The following HUNK variants were observed in gnomAD, a reference collection of about 807,000 sequenced individuals.
HUNK encodes the protein hormonally up-regulated neu tumor-associated kinase.
In HUNK, 21 loss-of-function variants were observed where a neutral mutation model predicts 61.0. That is an observed-to-expected ratio of 0.34 (90% CI 0.24 to 0.50). HUNK has a LOEUF of 0.50. HUNK is among the 20% of genes least tolerant of loss of function. The probability of loss-of-function intolerance (pLI) is 0.98; values close to 1 mark genes in which losing one functional copy is unlikely to be tolerated. For synonymous variants in HUNK, 371 were observed against 386.1 expected (o/e 0.96, Z 0.46); for missense variants, 772 against 945.7 (o/e 0.82, Z 2.41).
intron 8 of HUNK, among the ~76,000 whole-genome samples, chr21:31,986,510 G>A (rs1034438404): frequency 2.0e-5 from 3 of 151,850 alleles, no homozygotes; most frequent in Non-Finnish European, 2.9e-5. Flanking sequence ...TTTCACCCTC[G>A]CACCGCATCA....
chr21:31,901,865 AC>A (rs972433552), intron 1 of HUNK, among the ~76,000 whole-genome samples: 8 of 152,016 alleles, frequency 5.3e-5, no homozygotes, highest in African/African-American at 1.9e-4. Context: ...TGATCAAATA[AC>A]CCACTGGGTT....
Position 31,873,905 on chromosome 21 carries a change from C to G in HUNK, c.231C>G (p.Arg77=), listed in dbSNP as rs1384901208. The G allele has an allele frequency of 6.4e-7, 1 of 1,572,990 alleles. No homozygotes were observed. The highest frequency in any genetic ancestry group is 1.4e-5 in the African/African-American group (1 of 72,024). Residue 77 remains arginine (R), a synonymous_variant, in exon 1 of 11, where the codon CGC becomes CGG. Coordinates refer to ENST00000270112, the MANE Select transcript of HUNK (RefSeq NM_014586.2). This position sits in a 1 kb window ranked among gnomAD's most constrained non-coding sequence, Gnocchi z 6.1. ...KLGEGSFAKV[R]EGLHVLTGEK... The stretch of plus-strand genomic sequence containing the variant: ...GCGAGGGCTCCTTTGCCAAGGTGCG[C>G]GAGGGGCTGCACGTGCTGACCGGGG...
In HUNK at chr21:32,000,769, C is replaced by T. The variant is rs1035103234; in HGVS notation, c.*1585C>T. ...CAGTTCTGAATCATTCTCTCATTCA[C>T]CAGTGGTGACATCCTTCAGTCCCTC... On this transcript the variant is annotated 3_prime_UTR_variant, in exon 11 of 11. Transcript: ENST00000270112. 14 of 398,508 alleles carry T rather than the reference C, an allele frequency of 3.5e-5. No homozygotes were observed. The highest frequency in any genetic ancestry group is 2.9e-4 in the African/African-American group (14 of 48,624). 24.7% of individuals were successfully genotyped at this position (398,508 alleles called of 1,614,324 possible).
chr21:31,975,653 A>G (rs1307179784), intron 7 of HUNK, among the ~76,000 whole-genome samples: 1 of 131,880 alleles, frequency 7.6e-6, no homozygotes, highest in African/African-American at 3.0e-5. Context: ...GACATTTACC[A>G]TCCAGAACAT....
intron 6 of HUNK, 71 bp downstream of exon 6, chr21:31,968,456 G>C: frequency 1.3e-6 from 2 of 1,567,784 alleles, no homozygotes; most frequent in South Asian, 2.3e-5. Flanking sequence ...AGCAGTTCCG[G>C]ACAGAAAGCT....
At chr21:31,875,019 A>G (rs995327534) in intron 1 of HUNK, among the ~76,000 whole-genome samples, 1 of 152,154 alleles carries the variant, frequency 6.6e-6, no homozygotes, top group East Asian at 1.9e-4. Flanking sequence ...TCTCGGGCTC[A>G]AGACTGCCCC....
In HUNK at chr21:31,968,338, T is replaced by C; in HGVS notation, c.963T>C (p.Asn321=). The C allele has an allele frequency of 6.2e-7, 1 of 1,614,210 alleles. No homozygotes were observed. ...IQQALANRWL[N]ENYTGKVPCN... is the part of the protein sequence containing the mutation. The stretch of plus-strand genomic sequence containing the variant: ...AGGCACTGGCGAATCGCTGGCTTAA[T>C]GAGAATTACACGGGCAAAGTGCCCT... The change falls in exon 6 of 11, where the codon AAT becomes AAC. Residue 321 remains asparagine, a synonymous_variant. Coordinates refer to ENST00000270112, the MANE Select transcript of HUNK (RefSeq NM_014586.2).
chr21:31,955,079 G>T (rs939601663), intron 4 of HUNK, among the ~76,000 whole-genome samples: 1 of 151,990 alleles, frequency 6.6e-6, no homozygotes, highest in Non-Finnish European at 1.5e-5. Flanking sequence ...GAGCCATTGC[G>T]CCTGGCTGAA....
In HUNK at chr21:31,886,157, C is replaced by T. The variant is rs928938938; in HGVS notation, c.261+12222C>T. ...ATTCAGGGGGCTAGGCGCAGTGGCT[C>T]ACGCCTATAATCTTAGCTCTTTGGG... On this transcript the variant is annotated intron_variant, in intron 1 of 10. Transcript: ENST00000270112. 7.2e-5 allele frequency among the ~76,000 whole-genome samples: 11 copies of T among 152,266 alleles called. 1 individual carries two copies. The South Asian group carries it at 1.7e-3, about 23-fold the overall frequency.
chr21:31,986,818 TG>T (rs1055359773), intron 8 of HUNK, among the ~76,000 whole-genome samples: 3 of 152,142 alleles, frequency 2.0e-5, no homozygotes, highest in African/African-American at 7.2e-5. Context: ...CACCTCCCCA[TG>T]GGCACCTGCT....
intron 1 of HUNK, among the ~76,000 whole-genome samples, chr21:31,885,978 G>A (rs1429491706): frequency 3.9e-5 from 6 of 152,038 alleles, no homozygotes; most frequent in Non-Finnish European, 8.8e-5. Flanking sequence ...TGATCCACCC[G>A]TCTCAGCCTC....
intron 2 of HUNK, among the ~76,000 whole-genome samples, chr21:31,939,053 C>T (rs2052750959): frequency 1.3e-5 from 2 of 152,128 alleles, no homozygotes; most frequent in Admixed American, 6.5e-5. Context: ...AGCTTACAGT[C>T]GCAGGCGCAG....
At chr21:31,932,271 C>A (rs1398827710) in intron 2 of HUNK, among the ~76,000 whole-genome samples, 1 of 152,192 alleles carries the variant, frequency 6.6e-6, no homozygotes. Flanking sequence ...AGCTGCCTTT[C>A]TGCCCCCAGG....
chr21:31,873,662 C>A lies in HUNK; in HGVS notation c.-13C>A, dbSNP rs1217405626. On this transcript the variant is annotated 5_prime_UTR_variant, in exon 1 of 11. Transcript: ENST00000270112. The surrounding 1 kb of genome is among the most constrained non-coding windows in gnomAD (Gnocchi z 6.1). ...GGAGACGAGCAGGAGCCGCGCGGGC[C>A]GCGGCGAGCGCGATGCCGGCGGCGG... 1 of 835,188 alleles carries A rather than the reference C, an allele frequency of 1.2e-6. No homozygotes were observed. The highest frequency in any genetic ancestry group is 1.3e-6 in the Non-Finnish European group (1 of 761,586). 51.7% of individuals were successfully genotyped at this position (835,188 alleles called of 1,614,324 possible).
chr21:31,999,190 GC>G lies in HUNK; in HGVS notation c.*8del, dbSNP rs1445458944. 6.3e-7 allele frequency: 1 copy of G among 1,588,752 alleles called. No homozygotes were observed. The highest frequency in any genetic ancestry group is 1.1e-5 in the South Asian group (1 of 87,832). On this transcript the variant is annotated 3_prime_UTR_variant, in exon 11 of 11. Transcript: ENST00000270112. The stretch of plus-strand genomic sequence containing the variant: ...GGGTCAAGACCCAGTGCTAACTTGG[GC>G]CAGCGGGGTTTGGGGTATCTCTAGA...
At chr21:31,892,205 AGAGAG>A (rs2052395274) in intron 1 of HUNK, among the ~76,000 whole-genome samples, 1 of 137,828 alleles carries the variant, frequency 7.3e-6, no homozygotes, top group Non-Finnish European at 1.6e-5. Context: ...AGAGAGAGAG[AGAGAG>A]TGTGTGTGTG....
chr21:31,998,484 T>C, intron 10 of HUNK, 42 bp from the exon 11 acceptor site: 3 of 1,520,972 alleles, frequency 2.0e-6, no homozygotes, highest in Non-Finnish European at 8.8e-7. Flanking sequence ...GTGAGCACTG[T>C]CCGGACGTCC....
chr21:31,881,800 C>G (rs2052310044), intron 1 of HUNK, among the ~76,000 whole-genome samples: 1 of 152,178 alleles, frequency 6.6e-6, no homozygotes, highest in Admixed American at 6.5e-5. Flanking sequence ...TGGTCTCTCT[C>G]CCTGCAATGA....
At chr21:31,918,132 C>G (rs2052598662) in intron 1 of HUNK, among the ~76,000 whole-genome samples, 1 of 152,000 alleles carries the variant, frequency 6.6e-6, no homozygotes, top group Non-Finnish European at 1.5e-5. Context: ...TTTTTTTTCC[C>G]CATTTCAGTT....
Sources: allele counts gnomAD v4.1 joint callset (sites outside exome capture counted in the v4.1 genomes callset), GRCh38; gene constraint gnomAD v4.1.1; non-coding constraint Gnocchi (gnomAD v3.1); transcripts MANE v1.5; gene names NCBI Gene and HGNC (gene_info 2026-07-23, HGNC 2026-07-21).